WASHC4: variants seen among roughly 807,000 people sequenced by gnomAD.
The protein encoded by WASHC4 is WASH complex subunit 7.
A neutral mutation model predicts 166.6 loss-of-function variants in WASHC4; 86 were observed. The ratio of observed to expected loss-of-function variants is 0.52; its 90% CI spans 0.43 to 0.62. The LOEUF is 0.62. WASHC4 is among the 20% of genes least tolerant of loss of function. WASHC4 has a pLI of 0.00. For missense variants in WASHC4, 1,262 were observed against 1,382.4 expected, an observed-to-expected ratio of 0.91 and a Z score of 1.38; for synonymous variants, 446 against 451.6, an observed-to-expected ratio of 0.99 and a Z score of 0.16.
chr12:105,117,513 A>T (rs1353681176), intron 6 of WASHC4, among the ~76,000 whole-genome samples: 1 of 152,090 alleles, frequency 6.6e-6, no homozygotes, highest in Non-Finnish European at 1.5e-5. Flanking sequence ...TTAAACTTCT[A>T]GAAGTTTAAT....
In WASHC4 at chr12:105,141,287, G is replaced by T. The variant is rs538628387; in HGVS notation, c.1787+41G>T. 7.5e-4 allele frequency: 962 copies of T among 1,278,218 alleles called. 6 individuals carry two copies. The South Asian group carries it at 0.011, about 15-fold the overall frequency. The allele number at this position is 1,278,218 out of a possible 1,614,324, so 79.2% of individuals were successfully genotyped here. ...ATATGCTGTGGTACTCCAAAGACAG[G>T]GTTAATAGAAACATTGATTTTCTTT... On this transcript the variant is annotated intron_variant, in intron 18 of 32. Coordinates refer to ENST00000332180, the MANE Select transcript of WASHC4 (RefSeq NM_015275.3).
rs1883630919 is a variant in WASHC4, at chr12:105,150,210, A to C, written c.2649+461A>C. On this transcript the variant is annotated intron_variant, in intron 25 of 32. Transcript: ENST00000332180. ...CACTGTGCTCATCACGTCAGTACAT[A>C]CAGATCTGCTTCAAGTTGATAGGGA... Among the ~76,000 whole-genome samples, 4 of 152,234 alleles carry C rather than the reference A, an allele frequency of 2.6e-5. No homozygotes were observed. In the South Asian group the frequency reaches 8.3e-4, roughly 31 times the overall value.
At chr12:105,141,604 A>G (rs969643446) in intron 18 of WASHC4, among the ~76,000 whole-genome samples, 1 of 152,192 alleles carries the variant, frequency 6.6e-6, no homozygotes, top group African/African-American at 2.4e-5. Flanking sequence ...GCAATCCATG[A>G]TACGTAGTGT....
At chr12:105,115,871 T>G in intron 6 of WASHC4, 143 bp downstream of exon 6, 1 of 651,714 alleles carries the variant, frequency 1.5e-6, no homozygotes, top group Non-Finnish European at 2.8e-6. Context: ...GATTATAGTT[T>G]AGGAGATCAT....
intron 12 of WASHC4, among the ~76,000 whole-genome samples, 188 bp downstream of exon 12, chr12:105,126,550 C>G (rs1164037953): frequency 2.0e-5 from 3 of 152,108 alleles, no homozygotes; most frequent in South Asian, 4.1e-4. Context: ...CATCATATTA[C>G]TACATATTGG....
Position 105,149,305 on chromosome 12 carries a change from A to G in WASHC4, c.2515-310A>G, listed in dbSNP as rs1883548741. ...CTCACTGGACCATGGCTTAAAAACTAGAGTCTTGAGTCTGGTTTTGTGATT... is the reference window on the plus strand; with the variant it reads ...CTCACTGGACCATGGCTTAAAAACTGGAGTCTTGAGTCTGGTTTTGTGATT... On this transcript the variant is annotated intron_variant, in intron 24 of 32. Coordinates refer to ENST00000332180, the MANE Select transcript of WASHC4 (RefSeq NM_015275.3). 3.0e-6 allele frequency: 3 copies of G among 985,320 alleles called. No homozygotes were observed. The South Asian group carries it at 1.4e-4, about 46-fold the overall frequency. The allele number at this position is 985,320 out of a possible 1,614,324, so 61.0% of individuals were successfully genotyped here. A position where few individuals can be genotyped will look rare whatever the true frequency, so the allele number is the denominator to read the frequency against.
Position 105,149,654 on chromosome 12 carries a change from A to G in WASHC4, c.2554A>G (p.Ile852Val). Residue 852 changes from isoleucine to valine, a missense_variant, in exon 25 of 33, where the codon ATA (isoleucine) becomes GTA (valine). Coordinates refer to ENST00000332180, the MANE Select transcript of WASHC4 (RefSeq NM_015275.3). Reference sequence around the variant, plus strand: ...CCAGTTTTTGAAAAAGAAGTTCTATATATTTAGCCAATTTATGTATGATGA... The same window carrying G: ...CCAGTTTTTGAAAAAGAAGTTCTATGTATTTAGCCAATTTATGTATGATGA... ...TYQFLKKKFY[I>V]FSQFMYDEHI... 6.5e-7 allele frequency: 1 copy of G among 1,550,126 alleles called. No homozygotes were observed. Among genetic ancestry groups the G allele is most frequent in the Non-Finnish European group, 8.9e-7 (1 of 1,125,454 alleles).
At chr12:105,120,141 A>G (rs1880589744) in intron 7 of WASHC4, among the ~76,000 whole-genome samples, 2 of 152,228 alleles carry the variant, frequency 1.3e-5, no homozygotes, top group Non-Finnish European at 2.9e-5. Flanking sequence ...CAAAAATTCT[A>G]GTTGGTAATT....
chr12:105,115,262 T>C (rs1395956500), intron 5 of WASHC4, 33 bp downstream of exon 5: 1 of 1,326,330 alleles, frequency 7.5e-7, no homozygotes, highest in African/African-American at 1.4e-5. Context: ...TGATGCCTTT[T>C]TGATATTGAA....
chr12:105,152,177 A>G (rs367881063), intron 25 of WASHC4, among the ~76,000 whole-genome samples, 166 bp from the exon 26 acceptor site: 17 of 152,372 alleles, frequency 1.1e-4, no homozygotes, highest in African/African-American at 4.1e-4. Context: ...GAAAAAAGTT[A>G]TATTGACCTT....
At chr12:105,123,271 G>A (rs762253651) in intron 10 of WASHC4, among the ~76,000 whole-genome samples, 1 of 152,146 alleles carries the variant, frequency 6.6e-6, no homozygotes, top group African/African-American at 2.4e-5. Flanking sequence ...TCAGGATCAC[G>A]CCATTGCACT....
At position 105,127,011 on chromosome 12, in the gene WASHC4, T is replaced by C. The variant is rs1339680785; in HGVS notation, c.1039-118T>C. ...GTCTCATAATATATTAATAAGTATT[T>C]TTTGTGGTTATTTTTTCTTGAAATC... On this transcript the variant is annotated intron_variant, in intron 12 of 32. Coordinates refer to ENST00000332180, the MANE Select transcript of WASHC4 (RefSeq NM_015275.3). 3.6e-6 allele frequency: 3 copies of C among 834,226 alleles called. No homozygotes were observed. In the African/African-American group the frequency reaches 5.2e-5, roughly 14 times the overall value. The allele number at this position is 834,226 out of a possible 1,614,324, so 51.7% of individuals were successfully genotyped here. A position where few individuals can be genotyped will look rare whatever the true frequency, so the allele number is the denominator to read the frequency against.
In WASHC4 at chr12:105,168,926, ATG is replaced by A. The variant is rs1884942297; in HGVS notation, c.*1998_*1999del. Reference sequence around the variant, plus strand: ...CAGACATACTGTAATTTAAAAATTAATGTGAGCGTTTGTTTTAAGTTCACAGA... The same window carrying A: ...CAGACATACTGTAATTTAAAAATTAATGAGCGTTTGTTTTAAGTTCACAGA... On this transcript the variant is annotated 3_prime_UTR_variant, in exon 33 of 33. Transcript: ENST00000332180. The A allele has an allele frequency of 6.6e-6, 1 of 152,560 alleles. No individual in the cohort carries two copies. The highest frequency in any genetic ancestry group is 2.1e-4 in the South Asian group (1 of 4,824). The allele number at this position is 152,560 out of a possible 1,614,324, so 9.5% of individuals were successfully genotyped here. A position where few individuals can be genotyped will look rare whatever the true frequency, so the allele number is the denominator to read the frequency against.
chr12:105,158,892 A>G (rs1884325457), intron 28 of WASHC4, among the ~76,000 whole-genome samples: 1 of 152,222 alleles, frequency 6.6e-6, no homozygotes, highest in Non-Finnish European at 1.5e-5. Context: ...GTTGAAGGGT[A>G]TACGGGTGTT....
chr12:105,120,218 A>G (rs1033184479), intron 7 of WASHC4, among the ~76,000 whole-genome samples: 1 of 152,238 alleles, frequency 6.6e-6, no homozygotes, highest in Admixed American at 6.5e-5. Context: ...TTATTCCAAG[A>G]TAAATCATTT....
At chr12:105,147,527 A>G (rs1288417265) in intron 24 of WASHC4, 8 of 823,924 alleles carry the variant, frequency 9.7e-6, no homozygotes, top group Admixed American at 5.1e-5. Flanking sequence ...AATGTTATTT[A>G]TGCCCTTTTT....
In WASHC4 at chr12:105,140,895, T is replaced by G; in HGVS notation, c.1561-4T>G. ...ACAAATAGTTTTCCTGTTTTATTTT[T>G]AAGAAAAGAGTGATTTCTGACAAAA... On this transcript the variant is annotated splice_polypyrimidine_tract_variant and splice_region_variant and intron_variant, in intron 16 of 32. Coordinates refer to ENST00000332180, the MANE Select transcript of WASHC4 (RefSeq NM_015275.3). 6.2e-7 allele frequency: 1 copy of G among 1,613,442 alleles called. No homozygotes were observed. Among genetic ancestry groups the G allele is most frequent in the Non-Finnish European group, 8.5e-7 (1 of 1,179,828 alleles).
chr12:105,111,102 A>G (rs778402246), intron 1 of WASHC4, 23 bp from the exon 2 acceptor site: 1 of 1,569,772 alleles, frequency 6.4e-7, no homozygotes, highest in Non-Finnish European at 8.8e-7. Context: ...CTTATCACAT[A>G]CTGTTTTAAA....
At chr12:105,115,078 A>G in intron 4 of WASHC4, 106 bp from the exon 5 acceptor site, 1 of 630,026 alleles carries the variant, frequency 1.6e-6, no homozygotes, top group East Asian at 2.9e-5. Flanking sequence ...TTGTATGCAA[A>G]TGATGTAGCC....
Sources: allele counts gnomAD v4.1 joint callset (sites outside exome capture counted in the v4.1 genomes callset), GRCh38; gene constraint gnomAD v4.1.1; transcripts MANE v1.5; gene names NCBI Gene and HGNC (gene_info 2026-07-23, HGNC 2026-07-21).